The following MYO1D variants were observed in gnomAD, a reference collection of about 807,000 sequenced individuals.
MYO1D encodes myosin ID.
In MYO1D, 83 loss-of-function variants were observed where a neutral mutation model predicts 122.0. The observed-to-expected ratio is 0.68, with a 90% CI of 0.57 to 0.82. The LOEUF is 0.82. Among genes scored for constraint, MYO1D ranks in the 40% least tolerant of loss-of-function variants. The pLI is 0.00. For synonymous variants in MYO1D, 464 were observed against 446.9 expected, an observed-to-expected ratio of 1.04 and a Z score of -0.48; for missense variants, 1,157 against 1,269.5, an observed-to-expected ratio of 0.91 and a Z score of 1.35.
Position 32,679,617 on chromosome 17 carries a change from A to G in MYO1D, c.2122-20279T>C, listed in dbSNP as rs898982477. On this transcript the variant is annotated intron_variant, in intron 16 of 21. Coordinates refer to ENST00000318217, the MANE Select transcript of MYO1D (RefSeq NM_015194.3). ...GGGCTCTATTCTGTTCCATTGATCTATATCTCTGTTTTGGTACCAGTACCA... is the reference window on the plus strand; with the variant it reads ...GGGCTCTATTCTGTTCCATTGATCTGTATCTCTGTTTTGGTACCAGTACCA... 2.3e-3 allele frequency among the ~76,000 whole-genome samples: 345 copies of G among 152,250 alleles called. 1 individual carries two copies. The highest frequency in any genetic ancestry group is 7.5e-3 in the African/African-American group (311 of 41,542).
intron 1 of MYO1D, among the ~76,000 whole-genome samples, chr17:32,807,148 C>T (rs976878279): frequency 6.6e-6 from 1 of 152,012 alleles, no homozygotes; most frequent in African/African-American, 2.4e-5. Flanking sequence ...AAAAAAATCA[C>T]AAAAATTAAT....
chr17:32,737,643 C>T (rs969554509), intron 14 of MYO1D, among the ~76,000 whole-genome samples: 1 of 152,140 alleles, frequency 6.6e-6, no homozygotes, highest in African/African-American at 2.4e-5. Flanking sequence ...CCATGCCTGG[C>T]TAATTTTTTA....
At chr17:32,784,418 G>A (rs963338245) in intron 1 of MYO1D, among the ~76,000 whole-genome samples, 2 of 151,500 alleles carry the variant, frequency 1.3e-5, no homozygotes, top group African/African-American at 2.4e-5. Flanking sequence ...TACCTCCAAC[G>A]TCAGTTTTAT....
chr17:32,726,939 G>T (rs1191676128), intron 14 of MYO1D, among the ~76,000 whole-genome samples: 2 of 152,074 alleles, frequency 1.3e-5, no homozygotes, highest in African/African-American at 4.8e-5. Flanking sequence ...TTCCTAGGAA[G>T]GAGGCAAAAG....
chr17:32,700,937 C>T (rs1227246264), intron 16 of MYO1D, among the ~76,000 whole-genome samples: 1 of 134,318 alleles, frequency 7.4e-6, no homozygotes, highest in East Asian at 2.1e-4. Flanking sequence ...GAGTAAGACT[C>T]CATCTCAAAA....
intron 11 of MYO1D, among the ~76,000 whole-genome samples, chr17:32,754,423 A>G (rs1761805317): frequency 6.6e-6 from 1 of 152,216 alleles, no homozygotes; most frequent in South Asian, 2.1e-4. Flanking sequence ...CTGAAAGCCA[A>G]TTTGTAGTAG....
intron 1 of MYO1D, among the ~76,000 whole-genome samples, chr17:32,857,412 C>T (rs1446479846): frequency 6.6e-6 from 1 of 152,010 alleles, no homozygotes; most frequent in African/African-American, 2.4e-5. Flanking sequence ...GGTGAAACCC[C>T]ATCTCTACTA....
intron 16 of MYO1D, among the ~76,000 whole-genome samples, chr17:32,686,072 T>C (rs557341733): frequency 1.3e-5 from 2 of 152,274 alleles, no homozygotes; most frequent in Non-Finnish European, 2.9e-5. Flanking sequence ...TCTGTGAACG[T>C]TACCAGCTTT....
intron 1 of MYO1D, among the ~76,000 whole-genome samples, chr17:32,797,912 C>T (rs918427876): frequency 1.3e-5 from 2 of 152,320 alleles, no homozygotes; most frequent in Middle Eastern, 6.8e-3. Flanking sequence ...ATGTATGTTG[C>T]TAATTATACA....
Position 32,661,309 on chromosome 17 carries a change from C to T in MYO1D, c.2122-1971G>A, listed in dbSNP as rs572294607. 3.2e-4 allele frequency among the ~76,000 whole-genome samples: 49 copies of T among 152,272 alleles called. No homozygotes were observed. The South Asian group carries it at 6.4e-3, about 20-fold the overall frequency. ...AAACCCACCTCCCTACCTCCAGTCTCAATCAACACAAACTATTTTAGATGC... is the reference window on the plus strand; with the variant it reads ...AAACCCACCTCCCTACCTCCAGTCTTAATCAACACAAACTATTTTAGATGC... On this transcript the variant is annotated intron_variant, in intron 16 of 21. Coordinates refer to ENST00000318217, the MANE Select transcript of MYO1D (RefSeq NM_015194.3).
At chr17:32,819,852 A>G (rs2090645010) in intron 1 of MYO1D, among the ~76,000 whole-genome samples, 1 of 152,224 alleles carries the variant, frequency 6.6e-6, no homozygotes, top group African/African-American at 2.4e-5. Context: ...AGGCATAGTG[A>G]ACTTTGGGTA....
chr17:32,626,384 C>T (rs992240291), intron 20 of MYO1D, among the ~76,000 whole-genome samples: 4 of 152,158 alleles, frequency 2.6e-5, no homozygotes, highest in Admixed American at 1.3e-4. Flanking sequence ...AGCAATCTGA[C>T]CTCTGGATAA....
intron 21 of MYO1D, among the ~76,000 whole-genome samples, chr17:32,531,820 T>C (rs910928760): frequency 1.2e-4 from 18 of 152,222 alleles, no homozygotes; most frequent in Non-Finnish European, 2.4e-4. Flanking sequence ...CAGGCAATCA[T>C]GCTGAAATGT....
chr17:32,516,965 C>A (rs1909913576), intron 21 of MYO1D, among the ~76,000 whole-genome samples: 1 of 152,180 alleles, frequency 6.6e-6, no homozygotes, highest in African/African-American at 2.4e-5. Flanking sequence ...TATCCATTAA[C>A]AATGGCACAA....
At chr17:32,853,193 C>T (rs2091003332) in intron 1 of MYO1D, among the ~76,000 whole-genome samples, 1 of 152,328 alleles carries the variant, frequency 6.6e-6, no homozygotes, top group African/African-American at 2.4e-5. Flanking sequence ...GCCTCTGTGT[C>T]TCTCTTCCCA....
intron 16 of MYO1D, among the ~76,000 whole-genome samples, chr17:32,686,792 A>AGAGGCT (rs1426682472): frequency 2.0e-5 from 3 of 152,064 alleles, no homozygotes; most frequent in Non-Finnish European, 4.4e-5. Flanking sequence ...CCTGAGCCCC[A>AGAGGCT]GAGGCTGAGG....
Position 32,494,723 on chromosome 17 carries a change from G to C in MYO1D, c.*36C>G, listed in dbSNP as rs750396219. ...GCTGGACTGGGACCCAGGACTCGGA[G>C]TGTGGCCGGGCTCCGGGCCAGGCCT... On this transcript the variant is annotated 3_prime_UTR_variant, in exon 22 of 22. Coordinates refer to ENST00000318217, the MANE Select transcript of MYO1D (RefSeq NM_015194.3). 8 of 1,551,692 alleles carry C rather than the reference G, an allele frequency of 5.2e-6. No individual in the cohort carries two copies. The highest frequency in any genetic ancestry group is 1.4e-5 in the African/African-American group (1 of 73,616).
At chr17:32,779,972 A>G (rs1203252606) in intron 2 of MYO1D, among the ~76,000 whole-genome samples, 1 of 152,176 alleles carries the variant, frequency 6.6e-6, no homozygotes, top group African/African-American at 2.4e-5. Flanking sequence ...GTCAGTGAAC[A>G]GATATTTTTC....
At chr17:32,618,634 TAATTC>T (rs1323743077) in intron 20 of MYO1D, among the ~76,000 whole-genome samples, 1 of 129,770 alleles carries the variant, frequency 7.7e-6, no homozygotes, top group Non-Finnish European at 1.6e-5. Flanking sequence ...ATTAATTAAT[TAATTC>T]TTTTTTTTTT....
Sources: gnomAD v4.1 joint callset for allele counts (sites outside exome capture counted in the v4.1 genomes callset) on GRCh38, gnomAD v4.1.1 for gene constraint, MANE v1.5 for transcripts, NCBI Gene and HGNC (gene_info 2026-07-23, HGNC 2026-07-21) for gene names.